Variants in RUNDC3B observed in about 807,000 individuals in gnomAD.
RUNDC3B encodes RUN domain-containing protein 3B.
Under a neutral mutation model 58.4 loss-of-function variants are expected in RUNDC3B, and 33 were observed. The ratio of observed to expected loss-of-function variants is 0.56; its 90% CI spans 0.43 to 0.75. The LOEUF (loss-of-function observed/expected upper bound fraction) is 0.75, where lower values mean the gene tolerates loss of function less well. Ranked by LOEUF, RUNDC3B falls within the 30% of genes least tolerant of loss-of-function variation. RUNDC3B has a pLI of 0.00. For missense variants in RUNDC3B, 501 were observed against 535.7 expected (o/e 0.94, Z 0.64); for synonymous variants, 193 against 195.2 (o/e 0.99, Z 0.10).
chr7:87,781,218 T>A (rs1377349118), intron 8 of RUNDC3B, among the ~76,000 whole-genome samples: 1 of 152,114 alleles, frequency 6.6e-6, no homozygotes, highest in Non-Finnish European at 1.5e-5. Context: ...TGTTTAGATG[T>A]ATTCTCAGGT....
intron 2 of RUNDC3B, among the ~76,000 whole-genome samples, chr7:87,656,913 C>T (rs1157310003): frequency 1.3e-5 from 2 of 152,058 alleles, no homozygotes; most frequent in Admixed American, 6.6e-5. Context: ...TACTATATGC[C>T]TAGCACTGTT....
At chr7:87,636,429 A>AT (rs1821782617) in intron 1 of RUNDC3B, among the ~76,000 whole-genome samples, 1 of 151,972 alleles carries the variant, frequency 6.6e-6, no homozygotes, top group Non-Finnish European at 1.5e-5. Flanking sequence ...CTTTTTGTTT[A>AT]TTTTTTAGAT....
At chr7:87,656,247 T>A (rs1824088503) in intron 2 of RUNDC3B, among the ~76,000 whole-genome samples, 1 of 152,042 alleles carries the variant, frequency 6.6e-6, no homozygotes, top group Admixed American at 6.6e-5. Context: ...TTTGTATTTG[T>A]CAATTTAAAA....
chr7:87,761,733 G>C (rs1282014946), intron 6 of RUNDC3B, among the ~76,000 whole-genome samples: 1 of 151,770 alleles, frequency 6.6e-6, no homozygotes, highest in African/African-American at 2.4e-5. Context: ...CATATTTTGT[G>C]ATTCAGTTCC....
intron 2 of RUNDC3B, among the ~76,000 whole-genome samples, chr7:87,679,178 C>G (rs772348611): frequency 3.4e-4 from 49 of 145,594 alleles, no homozygotes; most frequent in Non-Finnish European, 5.8e-4. Flanking sequence ...CTGCAAGCTC[C>G]TCCTCCTGGG....
At chr7:87,765,747 G>A (rs969131497) in intron 6 of RUNDC3B, among the ~76,000 whole-genome samples, 3 of 151,922 alleles carry the variant, frequency 2.0e-5, no homozygotes, top group Non-Finnish European at 4.4e-5. Flanking sequence ...CTCTGCACAG[G>A]TGAGAAAAAT....
At chr7:87,697,500 A>G (rs1247283315) in intron 2 of RUNDC3B, among the ~76,000 whole-genome samples, 1 of 152,202 alleles carries the variant, frequency 6.6e-6, no homozygotes, top group Non-Finnish European at 1.5e-5. Flanking sequence ...ATGGTTGATG[A>G]TGGGAGTAAA....
chr7:87,645,081 C>CTTTTTTTTTTTTTTTTTTTTTTT, intron 1 of RUNDC3B, among the ~76,000 whole-genome samples: 1 of 128,098 alleles, frequency 7.8e-6, no homozygotes, highest in Non-Finnish European at 1.7e-5. Flanking sequence ...TGCTTTCTTT[C>CTTTTTTTTTTTTTTTTTTTTTTT]TTTTTTTTTT....
At chr7:87,713,292 T>C (rs202162155) in intron 4 of RUNDC3B, 3 of 152,156 alleles carry the variant, frequency 2.0e-5, no homozygotes, top group Admixed American at 6.6e-5. Flanking sequence ...TAAAGAGTAA[T>C]GATAGCCTTT....
chr7:87,750,148 G>A (rs865972742), intron 6 of RUNDC3B, among the ~76,000 whole-genome samples: 1 of 151,822 alleles, frequency 6.6e-6, no homozygotes, highest in Non-Finnish European at 1.5e-5. Flanking sequence ...TTGTTCTTGC[G>A]ATAGTTTACT....
At chr7:87,793,911 A>C (rs1835665144) in intron 8 of RUNDC3B, among the ~76,000 whole-genome samples, 1 of 152,198 alleles carries the variant, frequency 6.6e-6, no homozygotes, top group Admixed American at 6.5e-5. Flanking sequence ...TTTGCAGATG[A>C]TATGATCTTA....
chr7:87,644,747 C>A (rs1042921846), intron 1 of RUNDC3B, among the ~76,000 whole-genome samples: 2 of 150,960 alleles, frequency 1.3e-5, no homozygotes, highest in Non-Finnish European at 3.0e-5. Context: ...ACTACTTATT[C>A]TCTCTGTGTA....
chr7:87,705,923 C>T (rs1278986728), intron 3 of RUNDC3B, among the ~76,000 whole-genome samples: 6 of 152,096 alleles, frequency 3.9e-5, no homozygotes, highest in Non-Finnish European at 7.4e-5. Flanking sequence ...CTCCTTCTTG[C>T]TTTTTCATTT....
intron 1 of RUNDC3B, among the ~76,000 whole-genome samples, chr7:87,640,573 G>A (rs186866487): frequency 5.9e-5 from 9 of 152,134 alleles, no homozygotes; most frequent in African/African-American, 1.7e-4. Flanking sequence ...TCAAACTGCT[G>A]GCCTCAGGCA....
intron 7 of RUNDC3B, among the ~76,000 whole-genome samples, chr7:87,776,214 T>C (rs1399763974): frequency 6.6e-6 from 1 of 152,068 alleles, no homozygotes; most frequent in East Asian, 1.9e-4. Flanking sequence ...ATATATCTCC[T>C]CGAAACTCTT....
At chr7:87,669,964 G>A (rs1361621703) in intron 2 of RUNDC3B, among the ~76,000 whole-genome samples, 1 of 152,106 alleles carries the variant, frequency 6.6e-6, no homozygotes, top group Non-Finnish European at 1.5e-5. Flanking sequence ...TGATCTTCTT[G>A]TATAGAATCT....
intron 7 of RUNDC3B, among the ~76,000 whole-genome samples, chr7:87,773,089 C>T (rs1019550419): frequency 3.2e-4 from 48 of 151,758 alleles, no homozygotes; most frequent in Admixed American, 9.8e-4. Flanking sequence ...TTTGGGAGGC[C>T]GAGGCGGGCG....
intron 8 of RUNDC3B, among the ~76,000 whole-genome samples, chr7:87,783,867 C>A (rs1835072441): frequency 6.6e-6 from 1 of 152,118 alleles, no homozygotes; most frequent in Non-Finnish European, 1.5e-5. Context: ...GTTGGGAAGT[C>A]TACTGTTAGC....
rs530099104 is a variant in RUNDC3B, at chr7:87,825,748, A to T, written c.1226-4137A>T. On this transcript the variant is annotated intron_variant, in intron 10 of 10. Coordinates refer to ENST00000394654, the MANE Select transcript of RUNDC3B (RefSeq NM_001134405.2). ...GGTGGAGCTGCCCAAGACCATGGGA[A>T]TCCATCCCTTGCATCAGCATGACCT... is the stretch of plus-strand genomic sequence containing the variant. Among the ~76,000 whole-genome samples, 3 of 152,324 alleles carry T rather than the reference A, an allele frequency of 2.0e-5. No homozygotes were observed. The East Asian group carries it at 5.8e-4, about 29-fold the overall frequency.
Sources: gnomAD v4.1 joint callset for allele counts (sites outside exome capture counted in the v4.1 genomes callset) on GRCh38, gnomAD v4.1.1 for gene constraint, MANE v1.5 for transcripts, NCBI Gene and HGNC (gene_info 2026-07-23, HGNC 2026-07-21) for gene names.